PARD3B: variants seen among roughly 807,000 people sequenced by gnomAD.
The protein encoded by PARD3B is partitioning defective 3 homolog B.
Under a neutral mutation model 130.2 loss-of-function variants are expected in PARD3B, and 103 were observed. That is an observed-to-expected ratio of 0.79 (90% CI 0.67 to 0.93). The LOEUF (loss-of-function observed/expected upper bound fraction) is 0.93. PARD3B is among the 40% of genes least tolerant of loss of function. The pLI is 0.00. For missense variants in PARD3B, 1,609 were observed against 1,499.2 expected, an observed-to-expected ratio of 1.07 and a Z score of -1.21; for synonymous variants, 583 against 553.2, an observed-to-expected ratio of 1.05 and a Z score of -0.76.
chr2:204,783,929 C>T (rs752386681), intron 2 of PARD3B, among the ~76,000 whole-genome samples: 7 of 151,870 alleles, frequency 4.6e-5, no homozygotes, highest in South Asian at 4.1e-4. Context: ...TAGTTTCCAG[C>T]GTTTTTTTTT....
chr2:205,085,153 A>G (rs893591264), intron 4 of PARD3B, among the ~76,000 whole-genome samples: 9 of 152,002 alleles, frequency 5.9e-5, no homozygotes, highest in African/African-American at 2.2e-4. Context: ...GGAATTTATT[A>G]TATCTTTCTC....
At chr2:205,348,256 A>G (rs2043866330) in intron 18 of PARD3B, 1 of 152,224 alleles carries the variant, frequency 6.6e-6, no homozygotes, top group Admixed American at 6.5e-5. Context: ...AAGTACAAGC[A>G]ATATATCTTC....
chr2:205,521,498 A>C (rs2051054150), intron 21 of PARD3B, among the ~76,000 whole-genome samples: 1 of 151,902 alleles, frequency 6.6e-6, no homozygotes, highest in Non-Finnish European at 1.5e-5. Context: ...CAAACCTGGG[A>C]TATTGACTAG....
intron 4 of PARD3B, among the ~76,000 whole-genome samples, chr2:205,062,919 G>T (rs1024847526): frequency 6.6e-6 from 1 of 151,964 alleles, no homozygotes; most frequent in Non-Finnish European, 1.5e-5. Context: ...CATTTTTAAT[G>T]TACTTCAAAC....
chr2:205,221,202 G>C (rs2038220102), intron 15 of PARD3B, among the ~76,000 whole-genome samples: 2 of 152,146 alleles, frequency 1.3e-5, no homozygotes, highest in South Asian at 4.1e-4. Flanking sequence ...GCTTTGGCCA[G>C]GTAGGTTTGC....
At chr2:205,228,796 T>C (rs11889706) in intron 15 of PARD3B, among the ~76,000 whole-genome samples, 17,062 of 149,038 alleles carry the variant, frequency 0.11, 1,008 homozygotes, top group African/African-American at 0.17. Flanking sequence ...TCATTGTTTT[T>C]TTATTCTTTT....
chr2:204,802,550 A>G (rs1392339509), intron 2 of PARD3B, among the ~76,000 whole-genome samples: 1 of 152,180 alleles, frequency 6.6e-6, no homozygotes, highest in African/African-American at 2.4e-5. Context: ...ATGTATGTCT[A>G]TTGCAACACT....
In PARD3B at chr2:205,173,760, G is replaced by A. The variant is rs575244562; in HGVS notation, c.1791+1379G>A. On this transcript the variant is annotated intron_variant, in intron 12 of 22. Transcript: ENST00000406610. ...TGACAGTGTTCCATAAATATTTAAT[G>A]GGCTTTACTTATGTACCTAGTTATA... 3.3e-5 allele frequency among the ~76,000 whole-genome samples: 5 copies of A among 152,250 alleles called. 1 individual carries two copies. Among genetic ancestry groups the A allele is most frequent in the African/African-American group, 9.6e-5 (4 of 41,552 alleles).
At chr2:204,712,003 G>A (rs60212830) in intron 2 of PARD3B, among the ~76,000 whole-genome samples, 1,822 of 152,270 alleles carry the variant, frequency 0.012, 39 homozygotes, top group African/African-American at 0.042. Context: ...TTTTGAAAAT[G>A]TAGACCAAAT....
rs1289552461 is a variant in PARD3B, at chr2:205,461,044, A to G, written c.3044+20372A>G. Among the ~76,000 whole-genome samples, 1 of 152,184 alleles carries G rather than the reference A, an allele frequency of 6.6e-6. No individual in the cohort carries two copies. The highest frequency in any genetic ancestry group is 2.4e-5 in the African/African-American group (1 of 41,446). On this transcript the variant is annotated intron_variant, in intron 20 of 22. Coordinates refer to ENST00000406610, the MANE Select transcript of PARD3B (RefSeq NM_001302769.2). This position sits in a 1 kb window ranked among gnomAD's most constrained non-coding sequence, Gnocchi z 4.3. ...ATGAATCTCCATTCAACAGATATTTATTGAGTGAGATTTAGACACAGTCCT... is the reference window on the plus strand; with the variant it reads ...ATGAATCTCCATTCAACAGATATTTGTTGAGTGAGATTTAGACACAGTCCT...
chr2:204,682,108 G>A (rs897798147), intron 1 of PARD3B, among the ~76,000 whole-genome samples: 2 of 152,064 alleles, frequency 1.3e-5, no homozygotes, highest in Non-Finnish European at 2.9e-5. Context: ...CATACAAAAG[G>A]CCATCCAGTC....
At chr2:204,746,359 A>G (rs1455023450) in intron 2 of PARD3B, among the ~76,000 whole-genome samples, 1 of 151,540 alleles carries the variant, frequency 6.6e-6, no homozygotes, top group African/African-American at 2.4e-5. Context: ...TACGTGCCAC[A>G]TTTTCTTAAT....
intron 2 of PARD3B, among the ~76,000 whole-genome samples, chr2:204,775,452 G>A (rs1477631596): frequency 6.6e-6 from 1 of 152,122 alleles, no homozygotes; most frequent in Non-Finnish European, 1.5e-5. Context: ...TTTATAAAGT[G>A]AATCCTCTTA....
intron 4 of PARD3B, among the ~76,000 whole-genome samples, chr2:205,081,503 G>A (rs1305692920): frequency 2.6e-5 from 4 of 151,928 alleles, no homozygotes; most frequent in African/African-American, 9.7e-5. Flanking sequence ...AACATGTTTA[G>A]ATTTTTGCCA....
intron 2 of PARD3B, among the ~76,000 whole-genome samples, chr2:204,764,827 A>G (rs1214529703): frequency 6.6e-6 from 1 of 151,986 alleles, no homozygotes; most frequent in African/African-American, 2.4e-5. Context: ...ATTCTCTTAT[A>G]TAAACCTCAT....
At chr2:204,899,895 T>C (rs1326549217) in intron 2 of PARD3B, among the ~76,000 whole-genome samples, 3 of 152,138 alleles carry the variant, frequency 2.0e-5, no homozygotes, top group Non-Finnish European at 4.4e-5. Flanking sequence ...ATAAAAGTTT[T>C]TTTTTTTTCT....
intron 21 of PARD3B, among the ~76,000 whole-genome samples, chr2:205,501,479 G>C (rs2050157440): frequency 6.6e-6 from 1 of 152,158 alleles, no homozygotes; most frequent in Non-Finnish European, 1.5e-5. Context: ...TTTCAAACTT[G>C]ATCGAGATCG....
At chr2:205,437,008 A>G (rs1222515110) in intron 19 of PARD3B, among the ~76,000 whole-genome samples, 2 of 151,966 alleles carry the variant, frequency 1.3e-5, no homozygotes, top group African/African-American at 4.8e-5. Context: ...GAATTACCGT[A>G]CAATTCCAGG....
intron 1 of PARD3B, among the ~76,000 whole-genome samples, chr2:204,668,583 A>G (rs1379178886): frequency 6.6e-6 from 1 of 152,142 alleles, no homozygotes. Flanking sequence ...AACCCTTTTC[A>G]TTCCAAATAC....
Sources: allele counts gnomAD v4.1 joint callset (sites outside exome capture counted in the v4.1 genomes callset), GRCh38; gene constraint gnomAD v4.1.1; non-coding constraint Gnocchi (gnomAD v3.1); transcripts MANE v1.5; gene names NCBI Gene and HGNC (gene_info 2026-07-23, HGNC 2026-07-21).